PRDM6: variants seen among roughly 807,000 people sequenced by gnomAD.
PRDM6 encodes the protein PR/SET domain 6, also known as putative histone-lysine N-methyltransferase PRDM6.
PRDM6 carries 25 observed loss-of-function variants against 60.8 expected under a neutral mutation model. The observed-to-expected ratio is 0.41, with a 90% CI of 0.30 to 0.57. The LOEUF is 0.57. Among genes scored for constraint, PRDM6 ranks in the 20% least tolerant of loss-of-function variants. The pLI is 0.27. For missense variants in PRDM6, 839 were observed against 821.3 expected (o/e 1.02, Z -0.26); for synonymous variants, 407 against 357.4 (o/e 1.14, Z -1.57).
At chr5:123,117,566 C>T (rs1467058861) in intron 3 of PRDM6, among the ~76,000 whole-genome samples, 3 of 152,202 alleles carry the variant, frequency 2.0e-5, no homozygotes, top group Admixed American at 2.0e-4. Context: ...GACTAGATAA[C>T]CAGCAGGAAG....
At chr5:123,129,245 G>C (rs570194127) in intron 3 of PRDM6, among the ~76,000 whole-genome samples, 43 of 152,170 alleles carry the variant, frequency 2.8e-4, no homozygotes, top group African/African-American at 9.6e-4. Context: ...TTGGCAATGC[G>C]GGCTCTTTTT....
Position 123,090,393 on chromosome 5 carries a change from G to C in PRDM6, c.379G>C (p.Val127Leu). 1.4e-6 allele frequency: 2 copies of C among 1,461,328 alleles called. No individual in the cohort carries two copies. Among genetic ancestry groups the C allele is most frequent in the Non-Finnish European group, 1.8e-6 (2 of 1,112,866 alleles). 90.5% of individuals were successfully genotyped at this position (1,461,328 alleles called of 1,614,324 possible). ...PVFAPLAAAAVAAEPLPPKEL... is the reference protein window; with the variant it reads ...PVFAPLAAAALAAEPLPPKEL... ...GTTCGCGCCTCTAGCCGCCGCTGCC[G>C]TCGCCGCCGAGCCGCTGCCCCCCAA... Residue 127 changes from valine (V) to leucine (L), a missense_variant, in exon 2 of 8, where the codon GTC becomes CTC. This residue lies in a region of PRDM6 where 730 missense variants were observed against 648.8 expected (regional missense o/e 1.13). Transcript: ENST00000407847.
intron 4 of PRDM6, among the ~76,000 whole-genome samples, chr5:123,157,988 T>G (rs902479830): frequency 2.0e-5 from 3 of 152,242 alleles, no homozygotes; most frequent in African/African-American, 4.8e-5. Flanking sequence ...AAAATCCCTT[T>G]GATGTGCTTC....
At chr5:123,100,469 A>G (rs1041887866) in intron 3 of PRDM6, among the ~76,000 whole-genome samples, 1 of 152,152 alleles carries the variant, frequency 6.6e-6, no homozygotes, top group Admixed American at 6.5e-5. Context: ...GATAAAAACA[A>G]TTTTGTCAAA....
chr5:123,146,451 ATTAT>A (rs755649788), intron 3 of PRDM6, among the ~76,000 whole-genome samples: 7 of 152,312 alleles, frequency 4.6e-5, no homozygotes, highest in Non-Finnish European at 7.4e-5. Context: ...TCACACTACT[ATTAT>A]TTGTAGGATT....
chr5:123,089,707 T>G (rs1406915355), intron 1 of PRDM6, among the ~76,000 whole-genome samples, 188 bp downstream of exon 1: 2 of 152,060 alleles, frequency 1.3e-5, no homozygotes, highest in African/African-American at 4.8e-5. Context: ...GGCTGCGTCC[T>G]GCAGCCGAGT....
intron 3 of PRDM6, among the ~76,000 whole-genome samples, chr5:123,126,838 T>C (rs1764704325): frequency 6.6e-6 from 1 of 152,228 alleles, no homozygotes; most frequent in Non-Finnish European, 1.5e-5. Context: ...CCCCAGGAGT[T>C]ACTATCATAA....
At chr5:123,182,359 A>G (rs75662482) in intron 7 of PRDM6, among the ~76,000 whole-genome samples, 1,888 of 152,366 alleles carry the variant, frequency 0.012, 30 homozygotes, top group African/African-American at 0.043. Context: ...GCAGAGATAC[A>G]GGAGGGTTCA....
At chr5:123,108,038 G>A (rs1764234842) in intron 3 of PRDM6, among the ~76,000 whole-genome samples, 1 of 152,130 alleles carries the variant, frequency 6.6e-6, no homozygotes. Flanking sequence ...TGACTTGGGT[G>A]AACTGTGATG....
chr5:123,130,422 A>T (rs1346055837), intron 3 of PRDM6, among the ~76,000 whole-genome samples: 1 of 145,964 alleles, frequency 6.9e-6, no homozygotes, highest in Non-Finnish European at 1.5e-5. Context: ...CTGAAAGGTT[A>T]TCTTAAAGAA....
In PRDM6 at chr5:123,194,242, A is replaced by C. The variant is rs1766482557; in HGVS notation, c.*7041A>C. 1 of 152,178 alleles carries C rather than the reference A, an allele frequency of 6.6e-6. No individual in the cohort carries two copies. Among genetic ancestry groups the C allele is most frequent in the South Asian group, 2.1e-4 (1 of 4,832 alleles). 9.4% of individuals were successfully genotyped at this position (152,178 alleles called of 1,614,324 possible). On this transcript the variant is annotated 3_prime_UTR_variant, in exon 8 of 8. Coordinates refer to ENST00000407847, the MANE Select transcript of PRDM6 (RefSeq NM_001136239.4). ...CAAGAAATGTAAATATATTTGATTA[A>C]TAAAACGTTTTTATGATGACTCGAT...
At chr5:123,160,405 A>G (rs1360950035) in intron 5 of PRDM6, among the ~76,000 whole-genome samples, 1 of 152,240 alleles carries the variant, frequency 6.6e-6, no homozygotes, top group East Asian at 1.9e-4. Flanking sequence ...AGTGAGAAAC[A>G]CTGGTTTCAG....
chr5:123,140,328 T>C (rs1002913382), intron 3 of PRDM6, among the ~76,000 whole-genome samples: 10 of 152,088 alleles, frequency 6.6e-5, no homozygotes, highest in Non-Finnish European at 1.3e-4. Context: ...AATATATATT[T>C]GTTTGGAAAA....
Position 123,193,804 on chromosome 5 carries a change from G to A in PRDM6, c.*6603G>A, listed in dbSNP as rs1311709882. 2 of 152,086 alleles carry A rather than the reference G, an allele frequency of 1.3e-5. No individual in the cohort carries two copies. The highest frequency in any genetic ancestry group is 2.9e-5 in the Non-Finnish European group (2 of 68,022). The allele number at this position is 152,086 out of a possible 1,614,324, so 9.4% of individuals were successfully genotyped here. A position where few individuals can be genotyped will look rare whatever the true frequency, so the allele number is the denominator to read the frequency against. ...GACATTGTATACATTTCTTTAATGT[G>A]GTTATTTTAAGTTTAGGACTGTAAA... On this transcript the variant is annotated 3_prime_UTR_variant, in exon 8 of 8. Transcript: ENST00000407847.
intron 5 of PRDM6, among the ~76,000 whole-genome samples, chr5:123,166,785 A>G (rs1167724273): frequency 6.6e-6 from 1 of 152,220 alleles, no homozygotes; most frequent in Non-Finnish European, 1.5e-5. Flanking sequence ...GCCTCTCTCA[A>G]TATTTTAACT....
Position 123,192,163 on chromosome 5 carries a change from T to C in PRDM6, c.*4962T>C, listed in dbSNP as rs1766445887. 2 of 152,202 alleles carry C rather than the reference T, an allele frequency of 1.3e-5. No individual in the cohort carries two copies. Among genetic ancestry groups the C allele is most frequent in the Non-Finnish European group, 2.9e-5 (2 of 68,040 alleles). 9.4% of individuals were successfully genotyped at this position (152,202 alleles called of 1,614,324 possible). A position where few individuals can be genotyped will look rare whatever the true frequency, so the allele number is the denominator to read the frequency against. On this transcript the variant is annotated 3_prime_UTR_variant, in exon 8 of 8. Coordinates refer to ENST00000407847, the MANE Select transcript of PRDM6 (RefSeq NM_001136239.4). ...TTCCCACAGAGGTTGATGGGAATGATGATGATTATAAATTATATTGTGCAA... is the reference window on the plus strand; with the variant it reads ...TTCCCACAGAGGTTGATGGGAATGACGATGATTATAAATTATATTGTGCAA...
intron 3 of PRDM6, among the ~76,000 whole-genome samples, chr5:123,137,753 CGTTCTGCAT>C (rs201918795): frequency 1.3e-5 from 2 of 151,272 alleles, no homozygotes; most frequent in Non-Finnish European, 2.9e-5. Context: ...CAGACCTGCA[CGTTCTGCAT>C]ATGTATCTCA....
chr5:123,155,198 G>A (rs189008475), intron 3 of PRDM6, among the ~76,000 whole-genome samples: 5 of 151,322 alleles, frequency 3.3e-5, no homozygotes, highest in East Asian at 1.9e-4. Flanking sequence ...TAGACAACTC[G>A]GTTAAGAAAT....
At chr5:123,123,272 C>T (rs1764621703) in intron 3 of PRDM6, among the ~76,000 whole-genome samples, 1 of 152,130 alleles carries the variant, frequency 6.6e-6, no homozygotes, top group African/African-American at 2.4e-5. Context: ...ATATGCTTTC[C>T]AGGCACATCA....
Sources: gnomAD v4.1 joint callset for allele counts (sites outside exome capture counted in the v4.1 genomes callset) on GRCh38, gnomAD v4.1.1 for gene constraint, gnomAD v4.1.1 regional missense constraint, MANE v1.5 for transcripts, NCBI Gene and HGNC (gene_info 2026-07-23, HGNC 2026-07-21) for gene names.